Variants in GRM4 observed in about 807,000 individuals in gnomAD.
GRM4 encodes metabotropic glutamate receptor 4.
In GRM4, 28 loss-of-function variants were observed where a neutral mutation model predicts 81.7. That is an observed-to-expected ratio of 0.34 (90% CI 0.25 to 0.47). The LOEUF (loss-of-function observed/expected upper bound fraction) is 0.47, where lower values mean the gene tolerates loss of function less well. GRM4 is among the 20% of genes least tolerant of loss of function. The pLI is 1.00. For missense variants in GRM4, 948 were observed against 1,290.0 expected (o/e 0.73, Z 4.06); for synonymous variants, 488 against 528.8 (o/e 0.92, Z 1.06).
In GRM4 at chr6:34,089,205, G is replaced by A. The variant is rs181001980; in HGVS notation, c.736+2678C>T. Among the ~76,000 whole-genome samples the A allele has an allele frequency of 1.3e-3, 191 of 152,224 alleles. No homozygotes were observed. The highest frequency in any genetic ancestry group is 2.0e-3 in the Admixed American group (30 of 15,302). On this transcript the variant is annotated intron_variant, in intron 3 of 10. Transcript: ENST00000538487. The surrounding 1 kb of genome is among the most constrained non-coding windows in gnomAD (Gnocchi z 4.3). ...GCCCTCCCCACCACTCCCCTCTCTG[G>A]TGCTCCTCTGAGCAACTCACAGATG...
At chr6:34,127,947 G>A (rs180985346) in intron 2 of GRM4, among the ~76,000 whole-genome samples, 314 of 152,260 alleles carry the variant, frequency 2.1e-3, no homozygotes, top group African/African-American at 5.3e-3. Context: ...CCATAGCCCC[G>A]GCTCCAGAAG....
chr6:34,063,906 G>A (rs1565366), intron 3 of GRM4, among the ~76,000 whole-genome samples: 37,631 of 152,154 alleles, frequency 0.25, 5,492 homozygotes, highest in African/African-American at 0.4. Flanking sequence ...TGAGCCACCT[G>A]GCTCCAGGAG....
At chr6:34,024,712 C>T (rs1215258182) in intron 10 of GRM4, 1 of 455,656 alleles carries the variant, frequency 2.2e-6, no homozygotes, top group Non-Finnish European at 4.4e-6. Flanking sequence ...CCTATGAGCT[C>T]CCTGTCAACA....
intron 2 of GRM4, among the ~76,000 whole-genome samples, chr6:34,116,651 T>C (rs1769607999): frequency 6.6e-6 from 1 of 152,162 alleles, no homozygotes; most frequent in Non-Finnish European, 1.5e-5. Context: ...GAGCCAACAA[T>C]TCCACTTAAT....
At chr6:34,079,994 C>T (rs990870334) in intron 3 of GRM4, among the ~76,000 whole-genome samples, 10 of 152,144 alleles carry the variant, frequency 6.6e-5, no homozygotes, top group African/African-American at 2.4e-4. Flanking sequence ...CCAAAGTCCC[C>T]ACAGGCCCCC....
chr6:34,019,250 T>G lies in GRM4; in HGVS notation c.*3571A>C, dbSNP rs1763787460. ...AGCCGGAAGGGACCTGAGACTCTGC[T>G]CCTGAGGTGGGTCTCCCCAGGGTCC... On this transcript the variant is annotated 3_prime_UTR_variant, in exon 11 of 11. Transcript: ENST00000538487. 6.6e-6 allele frequency: 1 copy of G among 152,200 alleles called. No individual in the cohort carries two copies. The highest frequency in any genetic ancestry group is 1.5e-5 in the Non-Finnish European group (1 of 68,062). The allele number at this position is 152,200 out of a possible 1,614,324, so 9.4% of individuals were successfully genotyped here.
At chr6:34,083,497 C>T (rs1274766496) in intron 3 of GRM4, among the ~76,000 whole-genome samples, 1 of 152,140 alleles carries the variant, frequency 6.6e-6, no homozygotes, top group Admixed American at 6.5e-5. Context: ...AGGGGGCACA[C>T]GTGCCAGGTC....
chr6:34,061,736 G>T, intron 4 of GRM4, 157 bp downstream of exon 4: 1 of 691,838 alleles, frequency 1.4e-6, no homozygotes, highest in Non-Finnish European at 2.5e-6. Context: ...CTAGCCTGTG[G>T]GTCTCCCTGC....
intron 3 of GRM4, among the ~76,000 whole-genome samples, chr6:34,079,360 G>C (rs12527381): frequency 0.25 from 38,722 of 151,932 alleles, 7,958 homozygotes; most frequent in African/African-American, 0.56. Context: ...TCCCTTCCCC[G>C]ACTCCTGCCT....
At chr6:34,058,122 T>C (rs1765998817) in intron 5 of GRM4, among the ~76,000 whole-genome samples, 1 of 152,032 alleles carries the variant, frequency 6.6e-6, no homozygotes, top group Admixed American at 6.5e-5. Context: ...AGATGTGGTC[T>C]TTGCAGGGAC....
At chr6:34,129,410 G>A (rs1332763207) in intron 2 of GRM4, among the ~76,000 whole-genome samples, 1 of 152,194 alleles carries the variant, frequency 6.6e-6, no homozygotes, top group African/African-American at 2.4e-5. Context: ...TCAAACCCAG[G>A]CCTGACTTTC....
upstream of GRM4, among the ~76,000 whole-genome samples, chr6:34,150,336 G>A (rs1771020253): frequency 1.3e-5 from 2 of 152,220 alleles, no homozygotes; most frequent in Admixed American, 1.3e-4. Flanking sequence ...TTTGGCACCA[G>A]CATGCTAGAG....
chr6:34,071,322 AC>A (rs1561790263), intron 3 of GRM4, among the ~76,000 whole-genome samples: 104 of 143,702 alleles, frequency 7.2e-4, no homozygotes, highest in African/African-American at 2.6e-3. Flanking sequence ...TACACACCAC[AC>A]ACACACATCA....
rs142005311 is a variant in GRM4, at chr6:34,137,677, A to G, written c.-363-3818T>C. Among the ~76,000 whole-genome samples, 1,284 of 150,902 alleles carry G rather than the reference A, an allele frequency of 8.5e-3. 12 individuals carry two copies. Among genetic ancestry groups the G allele is most frequent in the African/African-American group, 0.029 (1,197 of 40,974 alleles). On this transcript the variant is annotated intron_variant, in intron 1 of 10. Coordinates refer to ENST00000538487, the MANE Select transcript of GRM4 (RefSeq NM_000841.4). ...CGACTCACTGCAGCCTCAACCTCTC[A>G]GGCTCAAGCGATCCTCCTACCTCAG...
At position 34,064,645 on chromosome 6, in the gene GRM4, G is replaced by A. The variant is rs1766356953; in HGVS notation, c.737-2617C>T. ...TGTCAGCATGTCCGCTCAGGGGAGT[G>A]GGTAAAGGAACTGGCTCACAAGCCA... On this transcript the variant is annotated intron_variant, in intron 3 of 10. Transcript: ENST00000538487. This position sits in a 1 kb window ranked among gnomAD's most constrained non-coding sequence, Gnocchi z 4.4. Among the ~76,000 whole-genome samples, 2 of 152,150 alleles carry A rather than the reference G, an allele frequency of 1.3e-5. No homozygotes were observed.
rs1174055287 is a variant in GRM4 at position 34,022,655 on chromosome 6, G to A, written c.*166C>T. The stretch of plus-strand genomic sequence containing the variant: ...TCCTGTTGCTCACCCGGTTTGCCCA[G>A]GCTGCCAGCAGTGATGGCTGGGGGC... On this transcript the variant is annotated 3_prime_UTR_variant, in exon 11 of 11. Transcript: ENST00000538487. This position sits in a 1 kb window ranked among gnomAD's most constrained non-coding sequence, Gnocchi z 5.6. 2 of 638,212 alleles carry A rather than the reference G, an allele frequency of 3.1e-6. No homozygotes were observed. Among genetic ancestry groups the A allele is most frequent in the African/African-American group, 1.8e-5 (1 of 55,266 alleles). 39.5% of individuals were successfully genotyped at this position (638,212 alleles called of 1,614,324 possible).
chr6:34,027,834 G>A (rs373996935), intron 10 of GRM4, among the ~76,000 whole-genome samples: 1 of 152,218 alleles, frequency 6.6e-6, no homozygotes. Context: ...GTGGGGCACA[G>A]ATCCCTGGAA....
rs1764699345 is a variant in GRM4 at position 34,036,186 on chromosome 6, G to A, written c.1924C>T (p.Leu642Phe). 1 of 1,614,102 alleles carries A rather than the reference G, an allele frequency of 6.2e-7. No homozygotes were observed. The highest frequency in any genetic ancestry group is 8.5e-7 in the Non-Finnish European group (1 of 1,180,022). ...CCAAGGTCGGGCTCAGCGATCATGA[G>A]GAAGGTGGTGGCATAGCACAGGAAG... Reference protein sequence around the residue: ...GIFLCYATTFLMIAEPDLGTC... With the variant: ...GIFLCYATTFFMIAEPDLGTC... Residue 642 changes from leucine (L) to phenylalanine (F), a missense_variant, in exon 9 of 11, where the codon CTC (leucine) becomes TTC (phenylalanine). Transcript: ENST00000538487. This position sits in a 1 kb window ranked among gnomAD's most constrained non-coding sequence, Gnocchi z 9.0.
rs1393359821 is a variant in GRM4 at position 34,152,358 on chromosome 6, G to C, written c.312+2721C>G. ...GGCAGGCTGCACTGCCCTGGAAAAA[G>C]TCCCATCAAGGCAGAGGAGAAGGGG... On this transcript the variant is annotated intron_variant, in intron 1 of 8. Coordinates refer to the GRM4 transcript ENST00000374177. This position sits in a 1 kb window ranked among gnomAD's most constrained non-coding sequence, Gnocchi z 4.1. 1.3e-5 allele frequency among the ~76,000 whole-genome samples: 2 copies of C among 152,206 alleles called. No homozygotes were observed. Among genetic ancestry groups the C allele is most frequent in the Admixed American group, 1.3e-4 (2 of 15,284 alleles).
Sources: allele counts gnomAD v4.1 joint callset (sites outside exome capture counted in the v4.1 genomes callset), GRCh38; gene constraint gnomAD v4.1.1; non-coding constraint Gnocchi (gnomAD v3.1); transcripts MANE v1.5; gene names NCBI Gene and HGNC (gene_info 2026-07-23, HGNC 2026-07-21).